Variants in NIBAN2 observed in about 807,000 individuals in gnomAD.
The protein encoded by NIBAN2 is niban apoptosis regulator 2.
NIBAN2 carries 36 observed loss-of-function variants against 81.8 expected under a neutral mutation model. The observed-to-expected ratio is 0.44, with a 90% CI of 0.34 to 0.58. NIBAN2 has a LOEUF of 0.58. NIBAN2 is among the 20% of genes least tolerant of loss of function. The pLI is 0.02. For missense variants in NIBAN2, 897 were observed against 1,014.1 expected (o/e 0.88, Z 1.57); for synonymous variants, 445 against 441.6 (o/e 1.01, Z -0.10).
intron 5 of NIBAN2, among the ~76,000 whole-genome samples, chr9:127,521,258 C>T (rs936922295): frequency 6.6e-6 from 1 of 152,206 alleles, no homozygotes; most frequent in Non-Finnish European, 1.5e-5. Context: ...CTGCTCGAGG[C>T]TACTCAGCTA....
chr9:127,577,923 G>A (rs572665203), intron 1 of NIBAN2, among the ~76,000 whole-genome samples: 3 of 152,014 alleles, frequency 2.0e-5, no homozygotes, highest in Admixed American at 1.3e-4. Flanking sequence ...AGTCACAGTG[G>A]CTCACACTTG....
chr9:127,568,465 A>G (rs892904145), intron 1 of NIBAN2, among the ~76,000 whole-genome samples: 1 of 151,668 alleles, frequency 6.6e-6, no homozygotes, highest in African/African-American at 2.4e-5. Context: ...TGGGCTTGCA[A>G]CGCTTCTGGG....
intron 1 of NIBAN2, among the ~76,000 whole-genome samples, chr9:127,534,658 T>C (rs1240621775): frequency 6.6e-6 from 1 of 152,210 alleles, no homozygotes; most frequent in Non-Finnish European, 1.5e-5. Flanking sequence ...TGTCCCTCCC[T>C]GTACTCCCCT....
chr9:127,514,285 A>G (rs1230517558), intron 8 of NIBAN2, among the ~76,000 whole-genome samples: 3 of 151,502 alleles, frequency 2.0e-5, no homozygotes, highest in African/African-American at 7.3e-5. Flanking sequence ...AAAAAAAAAA[A>G]AACTAAAAGA....
intron 5 of NIBAN2, among the ~76,000 whole-genome samples, chr9:127,521,880 A>C (rs777751974): frequency 6.6e-6 from 1 of 152,178 alleles, no homozygotes; most frequent in Non-Finnish European, 1.5e-5. Flanking sequence ...TGCCCCACCC[A>C]GACCAGCTCT....
At chr9:127,526,935 GGAGT>G in intron 3 of NIBAN2, among the ~76,000 whole-genome samples, 1 of 118,064 alleles carries the variant, frequency 8.5e-6, no homozygotes, top group Middle Eastern at 4.3e-3. Flanking sequence ...GGGATGGGGA[GGAGT>G]GAGTGACAGT....
chr9:127,525,044 G>A lies in NIBAN2; in HGVS notation c.421+14C>T. On this transcript the variant is annotated intron_variant, in intron 4 of 13. Transcript: ENST00000373312. ...TGTGCAGGGCATTGTGGCCTGGGAT[G>A]GGTGCTCCTTTACCTGGTAAGGAGT... The A allele has an allele frequency of 6.3e-7, 1 of 1,596,182 alleles. No homozygotes were observed. Among genetic ancestry groups the A allele is most frequent in the Non-Finnish European group, 8.6e-7 (1 of 1,163,734 alleles).
intron 1 of NIBAN2, among the ~76,000 whole-genome samples, chr9:127,541,278 GC>G (rs1837374197): frequency 6.6e-6 from 1 of 152,136 alleles, no homozygotes; most frequent in South Asian, 2.1e-4. Flanking sequence ...CTTTCTACTT[GC>G]CCCCCACCTA....
rs980098775 is a variant in NIBAN2 at position 127,545,620 on chromosome 9, G to A, written c.56-13842C>T. Among the ~76,000 whole-genome samples the A allele has an allele frequency of 2.6e-5, 4 of 152,098 alleles. No homozygotes were observed. Among genetic ancestry groups the A allele is most frequent in the East Asian group, 1.9e-4 (1 of 5,178 alleles). ...CAAGGCTGCCTTGAAAACTCTTCTC[G>A]GTTGGCAAATATTTAACCAGGGCTG... On this transcript the variant is annotated intron_variant, in intron 1 of 13. Transcript: ENST00000373312. This position sits in a 1 kb window ranked among gnomAD's most constrained non-coding sequence, Gnocchi z 4.7.
intron 1 of NIBAN2, among the ~76,000 whole-genome samples, chr9:127,544,077 G>A (rs1204868015): frequency 1.3e-5 from 2 of 152,180 alleles, no homozygotes; most frequent in Non-Finnish European, 2.9e-5. Flanking sequence ...GCTTCTGTTC[G>A]CTGCTCAAAC....
Position 127,507,414 on chromosome 9 carries a change from C to G in NIBAN2, c.1672G>C (p.Val558Leu), listed in dbSNP as rs999847409. ...DILQAVKEAA[V>L]QRKHNLYRDS... ...CGGTAGAGGTTGTGCTTCCTCTGCA[C>G]CGCGGCCTCCTTCACAGCTACAGGG... is the stretch of plus-strand genomic sequence containing the variant. Residue 558 changes from valine to leucine, a missense_variant, in exon 14 of 14, where the codon GTG (valine) becomes CTG (leucine). Physicochemically the swap from Val to Leu is conservative, Grantham distance 32. Transcript: ENST00000373312. This position sits in a 1 kb window ranked among gnomAD's most constrained non-coding sequence, Gnocchi z 6.8. 8 of 1,512,270 alleles carry G rather than the reference C, an allele frequency of 5.3e-6. No individual in the cohort carries two copies. The African/African-American group carries it at 8.4e-5, about 16-fold the overall frequency. 93.7% of individuals were successfully genotyped at this position (1,512,270 alleles called of 1,614,324 possible).
At chr9:127,518,440 C>T (rs1450603381) in intron 5 of NIBAN2, among the ~76,000 whole-genome samples, 1 of 152,236 alleles carries the variant, frequency 6.6e-6, no homozygotes, top group Non-Finnish European at 1.5e-5. Context: ...TTGCCTGGAA[C>T]AGGCTAGGCA....
intron 1 of NIBAN2, among the ~76,000 whole-genome samples, chr9:127,566,894 A>T (rs1588192629): frequency 7.5e-6 from 1 of 133,800 alleles, no homozygotes; most frequent in South Asian, 2.6e-4. Flanking sequence ...CCCTTCCAAC[A>T]CCCCACCCCC....
intron 5 of NIBAN2, among the ~76,000 whole-genome samples, chr9:127,520,102 C>T (rs1183106478): frequency 6.6e-6 from 1 of 152,192 alleles, no homozygotes; most frequent in Non-Finnish European, 1.5e-5. Context: ...TTCAGGGTCA[C>T]CCCTCCTGAG....
At chr9:127,578,909 G>A (rs1329089183) in intron 1 of NIBAN2, 2 of 1,610,482 alleles carry the variant, frequency 1.2e-6, no homozygotes, top group Admixed American at 1.7e-5. Context: ...GGGGACTTGT[G>A]CACAAGTCTT....
At chr9:127,567,576 G>A (rs1357161250) in intron 1 of NIBAN2, among the ~76,000 whole-genome samples, 1 of 152,224 alleles carries the variant, frequency 6.6e-6, no homozygotes, top group Non-Finnish European at 1.5e-5. Flanking sequence ...CAGCATGGGT[G>A]CGGCCCTGGA....
chr9:127,506,640 C>A lies in NIBAN2; in HGVS notation c.*205G>T. The A allele has an allele frequency of 2.2e-6, 1 of 459,684 alleles. No individual in the cohort carries two copies. The highest frequency in any genetic ancestry group is 3.8e-6 in the Non-Finnish European group (1 of 262,518). 28.5% of individuals were successfully genotyped at this position (459,684 alleles called of 1,614,324 possible). On this transcript the variant is annotated 3_prime_UTR_variant, in exon 14 of 14. Coordinates refer to ENST00000373312, the MANE Select transcript of NIBAN2 (RefSeq NM_022833.4). ...ACCAGCCCCTGCATCTGAGATCATCCCACAGAAGAGAAAACAGGGAGCAAG... is the reference window on the plus strand; with the variant it reads ...ACCAGCCCCTGCATCTGAGATCATCACACAGAAGAGAAAACAGGGAGCAAG...
In NIBAN2 at chr9:127,508,980, C is replaced by T. The variant is rs768399125; in HGVS notation, c.1313G>A (p.Arg438Gln). 2.1e-5 allele frequency: 34 copies of T among 1,613,534 alleles called. No individual in the cohort carries two copies. Among genetic ancestry groups the T allele is most frequent in the South Asian group, 3.3e-5 (3 of 91,058 alleles). Residue 438 changes from arginine to glutamine, a missense_variant, in exon 10 of 14, where the codon CGG (arginine) becomes CAG (glutamine). Arg to Gln is a conservative substitution (Grantham distance 43). This residue lies in a region of NIBAN2 where 619 missense variants were observed against 691.0 expected (regional missense o/e 0.90). Transcript: ENST00000373312. This position sits in a 1 kb window ranked among gnomAD's most constrained non-coding sequence, Gnocchi z 6.4. Reference sequence around the variant, plus strand: ...GGGTCGTAGCCTCGGGTCTACCTCCCGCATGTGGATCTGGGCTCGCTGCTT... The same window carrying T: ...GGGTCGTAGCCTCGGGTCTACCTCCTGCATGTGGATCTGGGCTCGCTGCTT... ...VFKQRAQIHMREQMDNAVYTF... is the reference protein window; with the variant it reads ...VFKQRAQIHMQEQMDNAVYTF...
chr9:127,526,723 C>A (rs1837072892), intron 3 of NIBAN2, among the ~76,000 whole-genome samples: 1 of 152,142 alleles, frequency 6.6e-6, no homozygotes, highest in Non-Finnish European at 1.5e-5. Context: ...ACAATGCTCC[C>A]ATAGGATGTC....
Sources: allele counts gnomAD v4.1 joint callset (sites outside exome capture counted in the v4.1 genomes callset), GRCh38; gene constraint gnomAD v4.1.1; regional missense constraint gnomAD v4.1.1; non-coding constraint Gnocchi (gnomAD v3.1); transcripts MANE v1.5; gene names NCBI Gene and HGNC (gene_info 2026-07-23, HGNC 2026-07-21).